Variants in F13A1 observed in about 807,000 individuals in gnomAD.
The protein encoded by F13A1 is coagulation factor XIII A chain.
A neutral mutation model predicts 80.1 loss-of-function variants in F13A1; 47 were observed. That is an observed-to-expected ratio of 0.59 (90% CI 0.46 to 0.75). The LOEUF is 0.75. F13A1 is among the 30% of genes least tolerant of loss of function. The probability of loss-of-function intolerance (pLI) is 0.00; values close to 1 mark genes in which losing one functional copy is unlikely to be tolerated. For missense variants in F13A1, 817 were observed against 930.4 expected, an observed-to-expected ratio of 0.88 and a Z score of 1.59; for synonymous variants, 349 against 344.9, an observed-to-expected ratio of 1.01 and a Z score of -0.13.
At chr6:6,304,459 A>G (rs555515949) in intron 3 of F13A1, among the ~76,000 whole-genome samples, 40 of 152,210 alleles carry the variant, frequency 2.6e-4, no homozygotes, top group Non-Finnish European at 5.0e-4. Context: ...GTTAATAGCT[A>G]TAACTTAATA....
intron 13 of F13A1, among the ~76,000 whole-genome samples, chr6:6,161,661 A>G (rs1760578897): frequency 6.6e-6 from 1 of 152,088 alleles, no homozygotes; most frequent in Non-Finnish European, 1.5e-5. Context: ...ATATTTTGAT[A>G]GCATGGGGAA....
chr6:6,186,237 T>C (rs911238612), intron 10 of F13A1, among the ~76,000 whole-genome samples: 1 of 150,870 alleles, frequency 6.6e-6, no homozygotes, highest in Non-Finnish European at 1.5e-5. Context: ...TTAGATCCCA[T>C]TTGTCAATTT....
At chr6:6,300,818 CTG>C (rs1758418248) in intron 3 of F13A1, among the ~76,000 whole-genome samples, 1 of 119,564 alleles carries the variant, frequency 8.4e-6, no homozygotes, top group Non-Finnish European at 1.6e-5. Context: ...TTATTCTCGT[CTG>C]TTTTTTTTTT....
chr6:6,252,520 A>G (rs1422018054), intron 4 of F13A1, among the ~76,000 whole-genome samples: 1 of 152,012 alleles, frequency 6.6e-6, no homozygotes, highest in Non-Finnish European at 1.5e-5. Flanking sequence ...GCTAAGGCAA[A>G]AAATAAGGAA....
intron 3 of F13A1, among the ~76,000 whole-genome samples, chr6:6,290,353 C>A (rs979908256): frequency 6.6e-6 from 1 of 152,170 alleles, no homozygotes; most frequent in South Asian, 2.1e-4. Context: ...CTGTCAGCCA[C>A]CTGCCTCAGT....
intron 3 of F13A1, among the ~76,000 whole-genome samples, chr6:6,281,639 A>G (rs1160981974): frequency 6.6e-6 from 1 of 152,240 alleles, no homozygotes; most frequent in East Asian, 1.9e-4. Context: ...TAATGCAAAC[A>G]CAGAGCACAC....
intron 1 of F13A1, among the ~76,000 whole-genome samples, chr6:6,319,571 G>A (rs985405142): frequency 4.6e-5 from 7 of 152,158 alleles, no homozygotes; most frequent in African/African-American, 1.7e-4. Flanking sequence ...AAATGAAGGG[G>A]GACTTTGTTT....
chr6:6,155,741 G>A (rs895489880), intron 13 of F13A1, among the ~76,000 whole-genome samples: 3 of 152,250 alleles, frequency 2.0e-5, no homozygotes, highest in East Asian at 1.9e-4. Context: ...GTGTTTTCAC[G>A]TTATGTGTTG....
intron 6 of F13A1, among the ~76,000 whole-genome samples, chr6:6,239,952 G>A (rs769891130): frequency 1.3e-5 from 2 of 152,150 alleles, no homozygotes; most frequent in African/African-American, 4.8e-5. Context: ...ATGAAGCTGT[G>A]CATATCCTAA....
chr6:6,163,511 G>A (rs1184022103), intron 13 of F13A1, among the ~76,000 whole-genome samples: 2 of 152,038 alleles, frequency 1.3e-5, no homozygotes, highest in Non-Finnish European at 2.9e-5. Context: ...CCTCCAATAG[G>A]ACCCTGTGTG....
chr6:6,317,999 C>T (rs541653079), intron 2 of F13A1, among the ~76,000 whole-genome samples: 68 of 152,268 alleles, frequency 4.5e-4, no homozygotes, highest in Middle Eastern at 3.4e-3. Flanking sequence ...AAGCAGCTTG[C>T]CTTGCCAGCT....
intron 7 of F13A1, among the ~76,000 whole-genome samples, chr6:6,222,790 C>T (rs1415932234): frequency 6.6e-6 from 1 of 152,196 alleles, no homozygotes; most frequent in African/African-American, 2.4e-5. Context: ...AGATTAATGA[C>T]TTGGCTTGCC....
intron 4 of F13A1, among the ~76,000 whole-genome samples, chr6:6,264,365 T>C (rs1757816118): frequency 6.6e-6 from 1 of 152,230 alleles, no homozygotes; most frequent in African/African-American, 2.4e-5. Flanking sequence ...AGCCTAGGAT[T>C]TTCTTTTTGT....
intron 2 of F13A1, among the ~76,000 whole-genome samples, chr6:6,307,407 T>C (rs1758528140): frequency 6.6e-6 from 1 of 152,182 alleles, no homozygotes; most frequent in South Asian, 2.1e-4. Context: ...GCTGCCTTTC[T>C]CCTAAGTCCT....
chr6:6,314,498 C>T (rs919911697), intron 2 of F13A1, among the ~76,000 whole-genome samples: 3 of 152,092 alleles, frequency 2.0e-5, no homozygotes, highest in Non-Finnish European at 4.4e-5. Flanking sequence ...CTTTTCCATG[C>T]GCTTGCCTGT....
In F13A1 at chr6:6,266,714, C is replaced by G. The variant is rs1439029722; in HGVS notation, c.415G>C (p.Glu139Gln). Residue 139 changes from glutamate (E) to glutamine (Q), a missense_variant, in exon 4 of 15, where the codon GAG becomes CAG. By Grantham distance (29) the Glu-to-Gln change is conservative (BLOSUM62 2). Coordinates refer to ENST00000264870, the MANE Select transcript of F13A1 (RefSeq NM_000129.4). Reference protein sequence around the residue: ...GKWGAKIVMREDRSVRLSIQS... With the variant: ...GKWGAKIVMRQDRSVRLSIQS... ...ATGGACAGCCGCACAGACCTGTCCTCTCTCATGACAATCTTGGCCCCCCAC... is the reference window on the plus strand; with the variant it reads ...ATGGACAGCCGCACAGACCTGTCCTGTCTCATGACAATCTTGGCCCCCCAC... 1.2e-6 allele frequency: 2 copies of G among 1,614,090 alleles called. No homozygotes were observed. The highest frequency in any genetic ancestry group is 1.7e-6 in the Non-Finnish European group (2 of 1,180,050).
chr6:6,320,291 A>AG (rs1054788107), intron 1 of F13A1, among the ~76,000 whole-genome samples: 6 of 152,152 alleles, frequency 3.9e-5, no homozygotes, highest in Non-Finnish European at 8.8e-5. Context: ...CCCTGAGGAA[A>AG]GGGGGCTCGT....
chr6:6,176,562 A>G (rs904234276), intron 11 of F13A1, among the ~76,000 whole-genome samples: 1 of 152,212 alleles, frequency 6.6e-6, no homozygotes, highest in Admixed American at 6.5e-5. Flanking sequence ...TGTATTAACG[A>G]TTTCCCTGAT....
In F13A1 at chr6:6,223,844, T is replaced by C. The variant is rs908755172; in HGVS notation, c.973+842A>G. The stretch of plus-strand genomic sequence containing the variant: ...TGTTAGCTAGGTAAAAATTCTTTAT[T>C]AATGAGCAGGCAGAAAGGACACCCC... On this transcript the variant is annotated intron_variant, in intron 7 of 14. Transcript: ENST00000264870. Among the ~76,000 whole-genome samples the C allele has an allele frequency of 2.6e-5, 4 of 152,288 alleles. No individual in the cohort carries two copies. In the East Asian group the frequency reaches 7.7e-4, roughly 29 times the overall value.
Sources: allele counts gnomAD v4.1 joint callset (sites outside exome capture counted in the v4.1 genomes callset), GRCh38; gene constraint gnomAD v4.1.1; transcripts MANE v1.5; gene names NCBI Gene and HGNC (gene_info 2026-07-23, HGNC 2026-07-21).